The following B3GALT1 variants were observed in gnomAD, a reference collection of about 807,000 sequenced individuals.
The protein encoded by B3GALT1 is UDP-Gal:betaGlcNAc beta 1,3-galactosyltransferase, polypeptide 1.
A neutral mutation model predicts 23.2 loss-of-function variants in B3GALT1; 10 were observed. The ratio of observed to expected loss-of-function variants is 0.43; its 90% CI spans 0.27 to 0.73. The LOEUF (loss-of-function observed/expected upper bound fraction) is 0.73, where lower values mean the gene tolerates loss of function less well. Among genes scored for constraint, B3GALT1 ranks in the 30% least tolerant of loss-of-function variants. The pLI, the probability that B3GALT1 is intolerant of heterozygous loss-of-function variation, is 0.21. For missense variants in B3GALT1, 299 were observed against 405.4 expected (o/e 0.74, Z 2.25); for synonymous variants, 156 against 141.5 (o/e 1.10, Z -0.73).
intron 1 of B3GALT1, among the ~76,000 whole-genome samples, chr2:167,319,412 A>G (rs1165972929): frequency 6.6e-6 from 1 of 152,132 alleles, no homozygotes; most frequent in Non-Finnish European, 1.5e-5. Context: ...ATAATCATGC[A>G]CAAATGCAGC....
intron 2 of B3GALT1, among the ~76,000 whole-genome samples, chr2:167,564,616 C>T (rs968450442): frequency 1.3e-5 from 2 of 152,184 alleles, no homozygotes; most frequent in African/African-American, 4.8e-5. Flanking sequence ...ATCCCGGCAC[C>T]TCGGGAGGCC....
rs78094522 is a variant in B3GALT1 at position 167,855,179 on chromosome 2, C to T, written c.-229-13632C>T. 1.9e-3 allele frequency among the ~76,000 whole-genome samples: 287 copies of T among 152,218 alleles called. 1 individual carries two copies. Among genetic ancestry groups the T allele is most frequent in the African/African-American group, 6.7e-3 (279 of 41,532 alleles). ...CCTTAAGCCAAGGTGAAATGCATAG[C>T]AGCTGGACTACATTTTCCCTACCTC... On this transcript the variant is annotated intron_variant, in intron 4 of 4. Coordinates refer to ENST00000392690, the MANE Select transcript of B3GALT1 (RefSeq NM_020981.4).
chr2:167,536,989 G>C (rs1683440218), intron 2 of B3GALT1, among the ~76,000 whole-genome samples: 1 of 152,128 alleles, frequency 6.6e-6, no homozygotes, highest in African/African-American at 2.4e-5. Context: ...AAAAGTCGCA[G>C]ATCCCTGGGC....
chr2:167,315,918 A>G (rs975600148), intron 1 of B3GALT1, among the ~76,000 whole-genome samples: 4 of 152,158 alleles, frequency 2.6e-5, no homozygotes, highest in African/African-American at 9.7e-5. Context: ...TGTATATTTG[A>G]CCTATTAATA....
At chr2:167,396,664 T>C (rs1698104068) in intron 1 of B3GALT1, among the ~76,000 whole-genome samples, 1 of 151,796 alleles carries the variant, frequency 6.6e-6, no homozygotes, top group Admixed American at 6.6e-5. Context: ...CCTTTACCCA[T>C]TGATACTGTA....
At chr2:167,563,106 C>A (rs1045515071) in intron 2 of B3GALT1, among the ~76,000 whole-genome samples, 1 of 152,126 alleles carries the variant, frequency 6.6e-6, no homozygotes, top group African/African-American at 2.4e-5. Context: ...ACCTTTCCCC[C>A]CCTTCCATTC....
intron 2 of B3GALT1, among the ~76,000 whole-genome samples, chr2:167,556,154 G>T (rs1683845724): frequency 6.6e-6 from 1 of 151,608 alleles, no homozygotes; most frequent in Non-Finnish European, 1.5e-5. Flanking sequence ...GGTAATGAAA[G>T]GAAAGATCAC....
intron 1 of B3GALT1, among the ~76,000 whole-genome samples, chr2:167,406,870 C>G (rs1441471159): frequency 1.3e-5 from 2 of 152,128 alleles, no homozygotes; most frequent in East Asian, 3.9e-4. Flanking sequence ...TTGAGACCTC[C>G]CCATTCAGGA....
intron 1 of B3GALT1, among the ~76,000 whole-genome samples, chr2:167,330,416 G>A (rs1287197862): frequency 6.6e-6 from 1 of 152,080 alleles, no homozygotes; most frequent in East Asian, 1.9e-4. Flanking sequence ...ATATCAGCCT[G>A]GGCAACATAG....
rs557004503 is a variant in B3GALT1, at chr2:167,804,404, G to T, written c.-351-14268G>T. On this transcript the variant is annotated intron_variant, in intron 3 of 4. Transcript: ENST00000392690. ...AGGTTAGTTACATATGTATACATGTGCCATGTTGGTGTGCTGCACCCATCA... is the reference window on the plus strand; with the variant it reads ...AGGTTAGTTACATATGTATACATGTTCCATGTTGGTGTGCTGCACCCATCA... Among the ~76,000 whole-genome samples the T allele has an allele frequency of 4.0e-5, 6 of 151,414 alleles. No homozygotes were observed. The East Asian group carries it at 7.8e-4, about 20-fold the overall frequency.
intron 2 of B3GALT1, among the ~76,000 whole-genome samples, chr2:167,622,223 A>G (rs1430049529): frequency 6.6e-6 from 1 of 152,078 alleles, no homozygotes; most frequent in African/African-American, 2.4e-5. Flanking sequence ...TGATTATTTC[A>G]TCCCCTCTGC....
chr2:167,630,046 G>T (rs1361018549), intron 2 of B3GALT1, among the ~76,000 whole-genome samples: 1 of 151,732 alleles, frequency 6.6e-6, no homozygotes, highest in Non-Finnish European at 1.5e-5. Flanking sequence ...ACAAGAAAGA[G>T]AACACAGACA....
At chr2:167,421,006 A>G (rs566267756) in intron 1 of B3GALT1, among the ~76,000 whole-genome samples, 110 of 152,350 alleles carry the variant, frequency 7.2e-4, no homozygotes, top group African/African-American at 2.6e-3. Context: ...TAATGTGAAA[A>G]TGATGAAATA....
chr2:167,451,332 A>G (rs1699087529), intron 1 of B3GALT1, among the ~76,000 whole-genome samples: 2 of 152,168 alleles, frequency 1.3e-5, no homozygotes, highest in African/African-American at 4.8e-5. Context: ...GCTATGTCAG[A>G]GGGAAGGTCT....
At chr2:167,695,067 T>C (rs999299015) in intron 3 of B3GALT1, among the ~76,000 whole-genome samples, 4 of 152,168 alleles carry the variant, frequency 2.6e-5, no homozygotes, top group African/African-American at 9.6e-5. Flanking sequence ...TCCTGTCTTC[T>C]CATCTGATTC....
intron 1 of B3GALT1, among the ~76,000 whole-genome samples, chr2:167,349,802 G>C (rs969091886): frequency 6.6e-6 from 1 of 152,106 alleles, no homozygotes; most frequent in African/African-American, 2.4e-5. Flanking sequence ...ATAACGGGGG[G>C]ATTGCTGCAC....
chr2:167,679,496 C>T (rs956917749), intron 3 of B3GALT1, among the ~76,000 whole-genome samples: 4 of 152,268 alleles, frequency 2.6e-5, no homozygotes, highest in African/African-American at 7.2e-5. Flanking sequence ...TCAGGTGATC[C>T]GCCCACCTCG....
chr2:167,626,821 T>C (rs1028091088), intron 2 of B3GALT1, among the ~76,000 whole-genome samples: 1 of 151,764 alleles, frequency 6.6e-6, no homozygotes, highest in Non-Finnish European at 1.5e-5. Flanking sequence ...AGCATCTTTA[T>C]AGTCACAGCA....
At chr2:167,796,867 C>A (rs112444135) in intron 3 of B3GALT1, among the ~76,000 whole-genome samples, 4 of 152,160 alleles carry the variant, frequency 2.6e-5, no homozygotes, top group Admixed American at 1.3e-4. Flanking sequence ...TTATAGTAGA[C>A]ATTAACAAGC....
Sources: gnomAD v4.1 joint callset for allele counts (sites outside exome capture counted in the v4.1 genomes callset) on GRCh38, gnomAD v4.1.1 for gene constraint, MANE v1.5 for transcripts, NCBI Gene and HGNC (gene_info 2026-07-23, HGNC 2026-07-21) for gene names.